The following INTS3 variants were observed in gnomAD, a reference collection of about 807,000 sequenced individuals.
INTS3 encodes SOSS complex subunit A.
Under a neutral mutation model 146.3 loss-of-function variants are expected in INTS3, and 34 were observed. The ratio of observed to expected loss-of-function variants is 0.23; its 90% CI spans 0.18 to 0.31. The LOEUF is 0.31. INTS3 is among the 10% of genes least tolerant of loss of function. The probability of loss-of-function intolerance (pLI) is 1.00; values close to 1 mark genes in which losing one functional copy is unlikely to be tolerated. For synonymous variants in INTS3, 475 were observed against 494.9 expected, an observed-to-expected ratio of 0.96 and a Z score of 0.53; for missense variants, 757 against 1,304.2, an observed-to-expected ratio of 0.58 and a Z score of 6.46.
intron 5 of INTS3, chr1:153,747,676 G>A (rs1557995989): frequency 2.6e-6 from 1 of 385,566 alleles, no homozygotes; most frequent in East Asian, 4.7e-5. Context: ...GAAGAAATGG[G>A]GAGAGAAGTG....
chr1:153,766,217 G>A (rs1453457113), intron 20 of INTS3, among the ~76,000 whole-genome samples: 1 of 149,974 alleles, frequency 6.7e-6, no homozygotes, highest in Non-Finnish European at 1.5e-5. Flanking sequence ...CGCTTCCCAG[G>A]TTCAAGCGAT....
At chr1:153,771,273 T>A (rs940921534) in intron 25 of INTS3, among the ~76,000 whole-genome samples, 1 of 152,228 alleles carries the variant, frequency 6.6e-6, no homozygotes, top group African/African-American at 2.4e-5. Context: ...GTGTATCTTA[T>A]CCTTCCTACC....
chr1:153,770,588 T>C, intron 24 of INTS3, 97 bp from the exon 25 acceptor site: 1 of 1,026,228 alleles, frequency 9.7e-7, no homozygotes, highest in Non-Finnish European at 1.5e-6. Context: ...AGACTGTCCT[T>C]ATTCCCTCCA....
intron 6 of INTS3, among the ~76,000 whole-genome samples, chr1:153,749,261 CA>C (rs562269466): frequency 1.3e-5 from 2 of 152,096 alleles, no homozygotes; most frequent in South Asian, 2.1e-4. Flanking sequence ...GAGGGTGCAT[CA>C]GGGGGTACAT....
In INTS3 at chr1:153,760,339, C is replaced by T. The variant is rs777402595; in HGVS notation, c.1266C>T (p.Ser422=). ...IEPAILVMHH[S]MKPHPAITAT... Reference sequence around the variant, plus strand: ...CAGCCATCCTGGTCATGCACCACTCCATGAAGCCCCACCCAGCCATCACTG... The same window carrying T: ...CAGCCATCCTGGTCATGCACCACTCTATGAAGCCCCACCCAGCCATCACTG... Residue 422 remains serine (S), a synonymous_variant, in exon 12 of 30, where the codon TCC becomes TCT. Transcript: ENST00000318967. 1 of 1,613,698 alleles carries T rather than the reference C, an allele frequency of 6.2e-7. No individual in the cohort carries two copies. The highest frequency in any genetic ancestry group is 8.5e-7 in the Non-Finnish European group (1 of 1,179,846).
chr1:153,733,341 T>C (rs1349872648), intron 1 of INTS3, among the ~76,000 whole-genome samples: 1 of 149,580 alleles, frequency 6.7e-6, no homozygotes, highest in Admixed American at 6.8e-5. Context: ...GCCTCCCAAG[T>C]AGCTGGGACT....
intron 3 of INTS3, among the ~76,000 whole-genome samples, chr1:153,742,945 G>A (rs1259459745): frequency 6.6e-6 from 1 of 152,138 alleles, no homozygotes; most frequent in African/African-American, 2.4e-5. Context: ...CCCTACCTGT[G>A]AGCCTTCCTG....
Position 153,728,521 on chromosome 1 carries a change from C to A in INTS3, c.-114C>A. On this transcript the variant is annotated 5_prime_UTR_variant, in exon 1 of 30. Transcript: ENST00000318967. Reference sequence around the variant, plus strand: ...TGGAGAGGACAGGGGCCCTTGCTCTCCCCTCCCCAACTTGTTCCTCTTGCC... The same window carrying A: ...TGGAGAGGACAGGGGCCCTTGCTCTACCCTCCCCAACTTGTTCCTCTTGCC... 7.4e-7 allele frequency: 1 copy of A among 1,342,760 alleles called. No individual in the cohort carries two copies. Among genetic ancestry groups the A allele is most frequent in the Non-Finnish European group, 1.0e-6 (1 of 991,940 alleles). 83.2% of individuals were successfully genotyped at this position (1,342,760 alleles called of 1,614,324 possible).
Position 153,748,751 on chromosome 1 carries a change from C to G in INTS3, c.580C>G (p.Gln194Glu). 1.2e-6 allele frequency: 2 copies of G among 1,613,608 alleles called. No homozygotes were observed. Among genetic ancestry groups the G allele is most frequent in the Non-Finnish European group, 1.7e-6 (2 of 1,179,618 alleles). ...AAGTGTTCTGGATATCCTGACAGAG[C>G]AAAGGTAGCATCCACCACGAAGGGT... is the stretch of plus-strand genomic sequence containing the variant. ...AESVLDILTE[Q>E]REWVLKSSIL... is the part of the protein sequence containing the mutation. The change falls in exon 6 of 30, where the codon CAA (glutamine) becomes GAA (glutamate). Residue 194 changes from glutamine to glutamate, a missense_variant. Physicochemically the swap from Gln to Glu is conservative, Grantham distance 29. Around this residue, in one of 8 missense-constraint regions of INTS3, gnomAD observed 134 missense variants for 243.1 expected, o/e 0.55. Coordinates refer to ENST00000318967, the MANE Select transcript of INTS3 (RefSeq NM_023015.5).
chr1:153,750,664 C>G (rs1379182539), intron 6 of INTS3, among the ~76,000 whole-genome samples: 1 of 152,200 alleles, frequency 6.6e-6, no homozygotes, highest in Non-Finnish European at 1.5e-5. Flanking sequence ...GAACCACTGA[C>G]TTAGGGACAC....
At chr1:153,730,097 A>G (rs1020603755) in intron 1 of INTS3, among the ~76,000 whole-genome samples, 2 of 152,154 alleles carry the variant, frequency 1.3e-5, no homozygotes, top group Non-Finnish European at 2.9e-5. Flanking sequence ...CAGATACAAG[A>G]TGGTAGAACA....
intron 25 of INTS3, among the ~76,000 whole-genome samples, chr1:153,771,275 C>T (rs1672853029): frequency 6.6e-6 from 1 of 152,210 alleles, no homozygotes; most frequent in Non-Finnish European, 1.5e-5. Context: ...GTATCTTATC[C>T]TTCCTACCTT....
In INTS3 at chr1:153,747,075, G is replaced by A. The variant is rs758696822; in HGVS notation, c.432+5G>A. On this transcript the variant is annotated splice_donor_5th_base_variant and intron_variant, in intron 4 of 29. Coordinates refer to ENST00000318967, the MANE Select transcript of INTS3 (RefSeq NM_023015.5). ...CAGGATACCTGCCGTACTCAGGTAA[G>A]GCCAGAAAGAAAAGACAAGATCCAG... 5 of 1,584,068 alleles carry A rather than the reference G, an allele frequency of 3.2e-6. No homozygotes were observed. The highest frequency in any genetic ancestry group is 4.3e-6 in the Non-Finnish European group (5 of 1,153,168).
At chr1:153,760,147 G>A (rs1329257693) in intron 11 of INTS3, 164 bp from the exon 12 acceptor site, 3 of 596,682 alleles carry the variant, frequency 5.0e-6, no homozygotes, top group African/African-American at 1.9e-5. Context: ...CATGAGATTC[G>A]CTTGAACCTG....
In INTS3 at chr1:153,773,098, T is replaced by C. The variant is rs778155898; in HGVS notation, c.3051+17T>C. ...AGTGCTTCAGTGAGAACCCAGCCAG[T>C]GCACAGGGGGAAAAGGAGCACTGGG... On this transcript the variant is annotated intron_variant, in intron 29 of 29. Coordinates refer to ENST00000318967, the MANE Select transcript of INTS3 (RefSeq NM_023015.5). 1 of 1,613,978 alleles carries C rather than the reference T, an allele frequency of 6.2e-7. No individual in the cohort carries two copies. The highest frequency in any genetic ancestry group is 8.5e-7 in the Non-Finnish European group (1 of 1,179,984).
intron 1 of INTS3, among the ~76,000 whole-genome samples, chr1:153,737,012 C>T (rs1311498752): frequency 6.6e-6 from 1 of 152,050 alleles, no homozygotes; most frequent in Non-Finnish European, 1.5e-5. Context: ...CATAATCCTC[C>T]TACCTCAGCC....
rs774815086 is a variant in INTS3 at position 153,740,638 on chromosome 1, C to T, written c.151-13C>T. On this transcript the variant is annotated splice_polypyrimidine_tract_variant and intron_variant, in intron 1 of 29. Coordinates refer to ENST00000318967, the MANE Select transcript of INTS3 (RefSeq NM_023015.5). ...TTATGACACACTGTTCATTTTTTCT[C>T]ACCCCTTCCCAGAGATTGGAAAGGT... The T allele has an allele frequency of 6.2e-7, 1 of 1,608,470 alleles. No individual in the cohort carries two copies. Among genetic ancestry groups the T allele is most frequent in the Non-Finnish European group, 8.5e-7 (1 of 1,174,980 alleles).
chr1:153,732,636 C>T (rs1367058065), intron 1 of INTS3, among the ~76,000 whole-genome samples: 6 of 151,316 alleles, frequency 4.0e-5, no homozygotes, highest in African/African-American at 7.3e-5. Flanking sequence ...TTAGTAGAGA[C>T]GGGGTTTCAC....
In INTS3 at chr1:153,732,824, G is replaced by C. The variant is rs534409269; in HGVS notation, c.150+4040G>C. The stretch of plus-strand genomic sequence containing the variant: ...GAATTTAGTCTTTTTTTTTTTTTGA[G>C]ATGGAGTCTCACTGTGTTGCCCAGA... On this transcript the variant is annotated intron_variant, in intron 1 of 29. Transcript: ENST00000318967. Among the ~76,000 whole-genome samples the C allele has an allele frequency of 2.8e-5, 4 of 142,952 alleles. No individual in the cohort carries two copies. The South Asian group carries it at 8.8e-4, about 32-fold the overall frequency. The allele number at this position is 142,952 out of a possible 152,430, so 93.8% of individuals were successfully genotyped here. A position where few individuals can be genotyped will look rare whatever the true frequency, so the allele number is the denominator to read the frequency against.
Sources: gnomAD v4.1 joint callset for allele counts (sites outside exome capture counted in the v4.1 genomes callset) on GRCh38, gnomAD v4.1.1 for gene constraint, gnomAD v4.1.1 regional missense constraint, MANE v1.5 for transcripts, NCBI Gene and HGNC (gene_info 2026-07-23, HGNC 2026-07-21) for gene names.